The following ATAD2 variants were observed in gnomAD, a reference collection of about 807,000 sequenced individuals.
ATAD2 encodes the protein ATPase family AAA domain containing 2, also known as ATPase family AAA domain-containing protein 2.
In ATAD2, 62 loss-of-function variants were observed where a neutral mutation model predicts 168.9. The ratio of observed to expected loss-of-function variants is 0.37; its 90% CI spans 0.30 to 0.45. The LOEUF (loss-of-function observed/expected upper bound fraction) is 0.45, where lower values mean the gene tolerates loss of function less well. ATAD2 is among the 20% of genes least tolerant of loss of function. ATAD2 has a pLI of 1.00. For synonymous variants in ATAD2, 613 were observed against 571.6 expected (o/e 1.07, Z -1.03); for missense variants, 1,419 against 1,667.8 (o/e 0.85, Z 2.60).
chr8:123,343,830 TGA>T (rs1304562960), intron 19 of ATAD2, among the ~76,000 whole-genome samples: 2 of 152,104 alleles, frequency 1.3e-5, no homozygotes, highest in African/African-American at 4.8e-5. Flanking sequence ...TTGCTATTAT[TGA>T]GAAACTCTGA....
intron 24 of ATAD2, among the ~76,000 whole-genome samples, chr8:123,329,388 ACAACTATAGGTGTATGCCACTGCAT>A (rs1211647273): frequency 6.6e-6 from 1 of 152,096 alleles, no homozygotes; most frequent in African/African-American, 2.4e-5. Context: ...CTGAGTGGCT[ACAACTATAGGTGTATGCCACTGCAT>A]CAAGCATATA....
chr8:123,347,829 G>A (rs1828301874), intron 15 of ATAD2, among the ~76,000 whole-genome samples: 1 of 152,026 alleles, frequency 6.6e-6, no homozygotes, highest in Admixed American at 6.6e-5. Flanking sequence ...TATGTAAAAT[G>A]CTTAAAAGGA....
chr8:123,364,583 AAGG>A (rs1341977762), intron 8 of ATAD2, among the ~76,000 whole-genome samples: 3 of 152,224 alleles, frequency 2.0e-5, no homozygotes, highest in Non-Finnish European at 4.4e-5. Flanking sequence ...TACTATGATC[AAGG>A]AGGTTTCATA....
chr8:123,322,195 C>G (rs1193368543), intron 27 of ATAD2, among the ~76,000 whole-genome samples: 1 of 152,088 alleles, frequency 6.6e-6, no homozygotes, highest in Non-Finnish European at 1.5e-5. Context: ...ACCATGTTGG[C>G]CAGGCTAGTC....
Position 123,387,437 on chromosome 8 carries a change from CTG to C in ATAD2, c.172-6762_172-6761del, listed in dbSNP as rs1829675461. Among the ~76,000 whole-genome samples, 3 of 152,246 alleles carry C rather than the reference CTG, an allele frequency of 2.0e-5. 1 individual carries two copies. Among genetic ancestry groups the C allele is most frequent in the East Asian group, 3.9e-4 (2 of 5,190 alleles). On this transcript the variant is annotated intron_variant, in intron 1 of 27. Coordinates refer to ENST00000287394, the MANE Select transcript of ATAD2 (RefSeq NM_014109.4). ...TAATTCCCAAGAGGTAAGTTCAACA[CTG>C]TTAACAGTAATTAACATTGGATGAC...
chr8:123,376,870 A>G (rs932550805), intron 2 of ATAD2, among the ~76,000 whole-genome samples: 2 of 151,438 alleles, frequency 1.3e-5, no homozygotes, highest in African/African-American at 4.9e-5. Context: ...AGGCAGGCAG[A>G]TCACTTGAGG....
intron 19 of ATAD2, chr8:123,344,571 T>C (rs1418791157): frequency 7.3e-6 from 2 of 273,220 alleles, no homozygotes; most frequent in Non-Finnish European, 1.4e-5. Flanking sequence ...ATGGTCTCAA[T>C]CTCCTGACCT....
rs867157791 is a variant in ATAD2, at chr8:123,371,189, A to G, written c.639+47T>C. ...AAAATGGATTAGGTACTATAAAAAAATTAAACTGGATATTAAATCATTCCC... is the reference window on the plus strand; with the variant it reads ...AAAATGGATTAGGTACTATAAAAAAGTTAAACTGGATATTAAATCATTCCC... On this transcript the variant is annotated intron_variant, in intron 5 of 27. Transcript: ENST00000287394. 7 of 1,469,156 alleles carry G rather than the reference A, an allele frequency of 4.8e-6. No homozygotes were observed. The African/African-American group carries it at 9.9e-5, about 21-fold the overall frequency. The allele number at this position is 1,469,156 out of a possible 1,614,324, so 91.0% of individuals were successfully genotyped here. A position where few individuals can be genotyped will look rare whatever the true frequency, so the allele number is the denominator to read the frequency against.
At chr8:123,404,984 G>C (rs1273771693) in intron 1 of ATAD2, among the ~76,000 whole-genome samples, 1 of 152,130 alleles carries the variant, frequency 6.6e-6, no homozygotes, top group Non-Finnish European at 1.5e-5. Context: ...AGGGGGGTTG[G>C]GACTTGAATA....
chr8:123,330,974 AGGCAGT>A (rs1385644594), intron 24 of ATAD2, among the ~76,000 whole-genome samples: 1 of 152,066 alleles, frequency 6.6e-6, no homozygotes, highest in Non-Finnish European at 1.5e-5. Flanking sequence ...CCAGGCTGGA[AGGCAGT>A]GGCACGATCT....
At chr8:123,410,198 T>C (rs1281026446) in intron 1 of ATAD2, among the ~76,000 whole-genome samples, 7 of 152,114 alleles carry the variant, frequency 4.6e-5, no homozygotes, top group African/African-American at 9.7e-5. Flanking sequence ...ATCATTGGAG[T>C]TTGTAGGTCA....
upstream of ATAD2, among the ~76,000 whole-genome samples, chr8:123,399,029 G>A (rs13252796): frequency 0.02 from 3,110 of 152,216 alleles, 42 homozygotes; most frequent in Admixed American, 0.045. Context: ...TTGGGAGGCC[G>A]AGGTGGGCAG....
intron 10 of ATAD2, 77 bp downstream of exon 10, chr8:123,359,500 T>C (rs909472527): frequency 6.4e-5 from 88 of 1,381,946 alleles, no homozygotes; most frequent in Non-Finnish European, 8.6e-5. Flanking sequence ...GAAAAATCAT[T>C]GGTTCCTTTT....
In ATAD2 at chr8:123,329,981, CTTTT is replaced by C. The variant is rs71310666; in HGVS notation, c.3479-1406_3479-1403del. ...AGATTACCTTTCTCCCCAGTGGCTT[CTTTT>C]TTTTTTTTTTTTTTTTTTTTGAGAC... On this transcript the variant is annotated intron_variant, in intron 24 of 27. Transcript: ENST00000287394. Among the ~76,000 whole-genome samples the C allele has an allele frequency of 5.3e-3, 529 of 100,288 alleles. 5 individuals are homozygous for C. The highest frequency in any genetic ancestry group is 0.018 in the African/African-American group (505 of 27,576). The allele number at this position is 100,288 out of a possible 152,430, so 65.8% of individuals were successfully genotyped here.
At chr8:123,354,864 A>AAAAAAAATATATATAT (rs1554644338) in intron 13 of ATAD2, among the ~76,000 whole-genome samples, 1 of 64,712 alleles carries the variant, frequency 1.5e-5, no homozygotes, top group African/African-American at 8.7e-5. Context: ...AAAAAAAAAA[A>AAAAAAAATATATATAT]ATATATATAT....
chr8:123,406,399 A>T (rs1301276266), intron 1 of ATAD2, among the ~76,000 whole-genome samples: 2 of 150,778 alleles, frequency 1.3e-5, no homozygotes, highest in Admixed American at 6.6e-5. Flanking sequence ...AAAAAAAAAA[A>T]ATAGTTTTAA....
chr8:123,393,523 T>C (rs935209454), intron 1 of ATAD2, among the ~76,000 whole-genome samples: 6 of 150,244 alleles, frequency 4.0e-5, no homozygotes, highest in African/African-American at 1.5e-4. Flanking sequence ...AATAAATAAA[T>C]GCATAAATAA....
intron 24 of ATAD2, among the ~76,000 whole-genome samples, chr8:123,333,231 CAAAAAAAAA>C (rs71310667): frequency 2.5e-4 from 11 of 43,984 alleles, no homozygotes; most frequent in Admixed American, 4.3e-4. Flanking sequence ...TCTAAAAATA[CAAAAAAAAA>C]AAAAAAAAAA....
At chr8:123,408,677 C>T (rs529811959) in intron 1 of ATAD2, among the ~76,000 whole-genome samples, 100 of 152,180 alleles carry the variant, frequency 6.6e-4, no homozygotes, top group African/African-American at 2.4e-3. Context: ...CCACCATGCC[C>T]GGCTACTTTT....
Sources: allele counts gnomAD v4.1 joint callset (sites outside exome capture counted in the v4.1 genomes callset), GRCh38; gene constraint gnomAD v4.1.1; transcripts MANE v1.5; gene names NCBI Gene and HGNC (gene_info 2026-07-23, HGNC 2026-07-21).